AP2A2: variants seen among roughly 807,000 people sequenced by gnomAD.
The protein encoded by AP2A2 is adaptor related protein complex 2 subunit alpha 2.
In AP2A2, 32 loss-of-function variants were observed where a neutral mutation model predicts 104.2. The ratio of observed to expected loss-of-function variants is 0.31; its 90% CI spans 0.23 to 0.41. The LOEUF (loss-of-function observed/expected upper bound fraction) is 0.41. Among genes scored for constraint, AP2A2 ranks in the 10% least tolerant of loss-of-function variants. AP2A2 has a pLI of 1.00. For synonymous variants in AP2A2, 539 were observed against 533.3 expected (o/e 1.01, Z -0.15); for missense variants, 912 against 1,261.0 (o/e 0.72, Z 4.19).
At chr11:966,624 G>A (rs1169443194) in intron 2 of AP2A2, among the ~76,000 whole-genome samples, 1 of 152,238 alleles carries the variant, frequency 6.6e-6, no homozygotes, top group South Asian at 2.1e-4. Flanking sequence ...GCCACACACT[G>A]TTGTTGGGGC....
chr11:988,762 C>T, intron 10 of AP2A2, 73 bp downstream of exon 10: 3 of 1,561,430 alleles, frequency 1.9e-6, no homozygotes, highest in East Asian at 2.3e-5. Flanking sequence ...CCTTCGTGCT[C>T]TGCGATTCCG....
chr11:969,502 A>G (rs1321714979), intron 2 of AP2A2, among the ~76,000 whole-genome samples: 1 of 152,052 alleles, frequency 6.6e-6, no homozygotes, highest in Non-Finnish European at 1.5e-5. Flanking sequence ...CTGGGATTAC[A>G]GGCGTGAGCC....
intron 2 of AP2A2, among the ~76,000 whole-genome samples, chr11:967,854 T>C (rs987620730): frequency 6.6e-6 from 1 of 152,232 alleles, no homozygotes; most frequent in Non-Finnish European, 1.5e-5. Context: ...GAGACAGATA[T>C]TACTGTTATC....
At chr11:978,768 C>T (rs1188874835) in intron 5 of AP2A2, among the ~76,000 whole-genome samples, 11 of 152,176 alleles carry the variant, frequency 7.2e-5, no homozygotes, top group African/African-American at 2.4e-4. Flanking sequence ...GTCATTTGCT[C>T]ACCTAGAGTG....
chr11:992,494 C>G lies in AP2A2; in HGVS notation c.1270-9C>G. 6.3e-7 allele frequency: 1 copy of G among 1,576,626 alleles called. No individual in the cohort carries two copies. On this transcript the variant is annotated splice_polypyrimidine_tract_variant and intron_variant, in intron 10 of 21. Transcript: ENST00000448903. This position sits in a 1 kb window ranked among gnomAD's most constrained non-coding sequence, Gnocchi z 6.4. ...CAGGTGCCGGCCCTCAGCAGCCTGT[C>G]CCCCACAGGTGCTGAAGGTCGCCAT...
At chr11:940,272 C>T (rs751603245) in intron 1 of AP2A2, among the ~76,000 whole-genome samples, 4 of 152,120 alleles carry the variant, frequency 2.6e-5, no homozygotes, top group South Asian at 2.1e-4. Context: ...AATTTTAAGA[C>T]GATGTGCCCA....
At chr11:983,314 C>T (rs1016861244) in intron 6 of AP2A2, among the ~76,000 whole-genome samples, 7 of 151,844 alleles carry the variant, frequency 4.6e-5, no homozygotes, top group South Asian at 2.1e-4. Context: ...CATGAGACAC[C>T]GCACCTGGAC....
intron 14 of AP2A2, chr11:995,443 CTGTT>C (rs1855820101): frequency 2.2e-6 from 1 of 455,532 alleles, no homozygotes; most frequent in Admixed American, 2.4e-5. Context: ...GGCGGGCTTT[CTGTT>C]TGTCCAGTTA....
Position 992,744 on chromosome 11 carries a change from GTGAGTGGT to G in AP2A2, c.1452+61_1452+68del. ...GGAGGGCAGTTGCAGAAGGTGAGCA[GTGAGTGGT>G]TCCAGCCTGCCTGCGTGGAGGTGCC... On this transcript the variant is annotated intron_variant, in intron 11 of 21. Coordinates refer to ENST00000448903, the MANE Select transcript of AP2A2 (RefSeq NM_012305.4). The surrounding 1 kb of genome is among the most constrained non-coding windows in gnomAD (Gnocchi z 6.4). 1 of 1,597,140 alleles carries G rather than the reference GTGAGTGGT, an allele frequency of 6.3e-7. No homozygotes were observed.
intron 1 of AP2A2, among the ~76,000 whole-genome samples, chr11:947,697 C>T (rs537767475): frequency 8.6e-5 from 13 of 152,026 alleles, no homozygotes; most frequent in South Asian, 2.1e-4. Context: ...TAGTGGCTCA[C>T]GCCGCCTGTA....
chr11:940,702 TC>T (rs1241712975), intron 1 of AP2A2: 1 of 410,714 alleles, frequency 2.4e-6, no homozygotes, highest in East Asian at 7.1e-5. Flanking sequence ...GTTTGTTTGG[TC>T]TCTGGCCCAT....
At chr11:990,346 C>CCT (rs919675357) in intron 10 of AP2A2, among the ~76,000 whole-genome samples, 2 of 152,186 alleles carry the variant, frequency 1.3e-5, no homozygotes, top group African/African-American at 4.8e-5. Context: ...GCCAGTGGTC[C>CCT]CTCTCTGGCC....
chr11:1,008,888 C>T, intron 18 of AP2A2: 1 of 578,972 alleles, frequency 1.7e-6, no homozygotes, highest in Non-Finnish European at 3.1e-6. Context: ...GACGTCCTGC[C>T]TGAGTATGCG....
chr11:985,630 G>T (rs376131276), intron 8 of AP2A2, 48 bp downstream of exon 8: 16 of 1,609,188 alleles, frequency 9.9e-6, no homozygotes, highest in Non-Finnish European at 1.4e-5. Context: ...ACACACACAC[G>T]TTCCTTCTCG....
At chr11:979,804 G>T (rs7112541) in intron 5 of AP2A2, among the ~76,000 whole-genome samples, 72,855 of 151,980 alleles carry the variant, frequency 0.48, 18,383 homozygotes, top group Middle Eastern at 0.65. Flanking sequence ...TGACCTCAGG[G>T]GATCCGCCTG....
chr11:974,523 A>G (rs1186266487), intron 4 of AP2A2, among the ~76,000 whole-genome samples: 2 of 151,482 alleles, frequency 1.3e-5, no homozygotes, highest in East Asian at 3.9e-4. Context: ...TCTACTAAAA[A>G]TACAAAAATT....
At chr11:941,474 G>T (rs1853640080) in intron 1 of AP2A2, among the ~76,000 whole-genome samples, 1 of 152,070 alleles carries the variant, frequency 6.6e-6, no homozygotes, top group Non-Finnish European at 1.5e-5. Flanking sequence ...TAGAGATGGG[G>T]TCTTACTATG....
intron 3 of AP2A2, among the ~76,000 whole-genome samples, chr11:970,818 C>T (rs74045446): frequency 0.045 from 6,826 of 152,262 alleles, 164 homozygotes; most frequent in South Asian, 0.058. Flanking sequence ...CTGCAGTAGG[C>T]GCTGGAGGCA....
At chr11:957,259 G>A (rs1854267542) in intron 1 of AP2A2, among the ~76,000 whole-genome samples, 1 of 152,228 alleles carries the variant, frequency 6.6e-6, no homozygotes. Context: ...GGATCCCCAT[G>A]TGTTCAGTTA....
Sources: allele counts gnomAD v4.1 joint callset (sites outside exome capture counted in the v4.1 genomes callset), GRCh38; gene constraint gnomAD v4.1.1; non-coding constraint Gnocchi (gnomAD v3.1); transcripts MANE v1.5; gene names NCBI Gene and HGNC (gene_info 2026-07-23, HGNC 2026-07-21).